Variants in NUMB observed in about 807,000 individuals in gnomAD.
The protein encoded by NUMB is NUMB endocytic adaptor protein.
A neutral mutation model predicts 59.7 loss-of-function variants in NUMB; 29 were observed. That is an observed-to-expected ratio of 0.49 (90% CI 0.36 to 0.66). The LOEUF (loss-of-function observed/expected upper bound fraction) is 0.66. Among genes scored for constraint, NUMB ranks in the 30% least tolerant of loss-of-function variants. The probability of loss-of-function intolerance (pLI) is 0.00; values close to 1 mark genes in which losing one functional copy is unlikely to be tolerated. For synonymous variants in NUMB, 288 were observed against 288.2 expected, an observed-to-expected ratio of 1.00 and a Z score of 0.01; for missense variants, 723 against 822.0, an observed-to-expected ratio of 0.88 and a Z score of 1.47.
intron 11 of NUMB, among the ~76,000 whole-genome samples, chr14:73,281,881 G>A (rs1888656133): frequency 6.6e-6 from 1 of 152,150 alleles, no homozygotes; most frequent in East Asian, 1.9e-4. Context: ...GATGTTTAGT[G>A]GCATTCTTGG....
At chr14:73,443,918 T>A (rs1883273045) in intron 1 of NUMB, among the ~76,000 whole-genome samples, 2 of 148,376 alleles carry the variant, frequency 1.3e-5, no homozygotes, top group Admixed American at 1.3e-4. Context: ...AGTATTTATT[T>A]ATTTTTGAGA....
intron 1 of NUMB, among the ~76,000 whole-genome samples, chr14:73,438,035 C>T (rs894252119): frequency 1.3e-5 from 2 of 152,136 alleles, no homozygotes; most frequent in Non-Finnish European, 2.9e-5. Context: ...AACATGCTGG[C>T]AAAGCTGTAT....
chr14:73,442,955 T>C (rs1401921616), intron 1 of NUMB, among the ~76,000 whole-genome samples: 1 of 152,074 alleles, frequency 6.6e-6, no homozygotes, highest in Non-Finnish European at 1.5e-5. Context: ...CTCTACCTCC[T>C]CGGCTCAAGT....
chr14:73,453,566 T>G (rs1382168149), intron 1 of NUMB, among the ~76,000 whole-genome samples: 1 of 152,168 alleles, frequency 6.6e-6, no homozygotes, highest in African/African-American at 2.4e-5. Flanking sequence ...TTCTACCTCT[T>G]ATAATAAAAT....
intron 8 of NUMB, among the ~76,000 whole-genome samples, chr14:73,289,678 A>T (rs4903105): frequency 0.26 from 39,131 of 152,118 alleles, 5,112 homozygotes; most frequent in Non-Finnish European, 0.28. Flanking sequence ...TAAACTTTTT[A>T]AAAAAACTTT....
At chr14:73,415,604 T>C (rs1021076048) in intron 1 of NUMB, among the ~76,000 whole-genome samples, 5 of 151,686 alleles carry the variant, frequency 3.3e-5, no homozygotes, top group African/African-American at 9.7e-5. Context: ...GCAGCTGGGA[T>C]TACAGGCATG....
At chr14:73,282,200 G>A (rs17182286) in intron 11 of NUMB, 159 bp downstream of exon 11, 248,149 of 603,558 alleles carry the variant, frequency 0.41, 54,236 homozygotes, top group East Asian at 0.72. Context: ...CAAAGACATC[G>A]TCGAATGGAG....
At chr14:73,280,682 T>C (rs1888563716) in intron 11 of NUMB, among the ~76,000 whole-genome samples, 1 of 137,048 alleles carries the variant, frequency 7.3e-6, no homozygotes, top group Non-Finnish European at 1.5e-5. Flanking sequence ...ATGGTGTTGG[T>C]ACTATTTTTT....
intron 8 of NUMB, among the ~76,000 whole-genome samples, chr14:73,290,527 T>C (rs1889320880): frequency 6.6e-6 from 1 of 152,260 alleles, no homozygotes; most frequent in Non-Finnish European, 1.5e-5. Context: ...AGCATTTGTT[T>C]ACACCAATGT....
At chr14:73,318,579 T>TA (rs921092820) in intron 5 of NUMB, among the ~76,000 whole-genome samples, 1 of 152,184 alleles carries the variant, frequency 6.6e-6, no homozygotes, top group Non-Finnish European at 1.5e-5. Flanking sequence ...AAAGGCCTTA[T>TA]ACACTTTTTT....
At chr14:73,401,638 T>C (rs8004184) in intron 2 of NUMB, among the ~76,000 whole-genome samples, 118,104 of 147,752 alleles carry the variant, frequency 0.8, 47,749 homozygotes, top group African/African-American at 0.92. Context: ...GGCATGACCT[T>C]GGCTCACTGC....
chr14:73,351,291 G>A (rs1256461677), intron 4 of NUMB, among the ~76,000 whole-genome samples: 1 of 152,090 alleles, frequency 6.6e-6, no homozygotes, highest in Non-Finnish European at 1.5e-5. Flanking sequence ...GGCCAACATG[G>A]TGAAACCCTG....
rs1438958841 is a variant in NUMB at position 73,276,140 on chromosome 14, C to T, written c.*438G>A. 6.3e-6 allele frequency: 1 copy of T among 159,084 alleles called. No individual in the cohort carries two copies. The highest frequency in any genetic ancestry group is 1.4e-5 in the Non-Finnish European group (1 of 71,712). The allele number at this position is 159,084 out of a possible 1,614,324, so 9.9% of individuals were successfully genotyped here. ...GCCTCTCTGTTCCCCAGCCTGAGCA[C>T]AAACCACTCTTCTTGATCTCTAATA... On this transcript the variant is annotated 3_prime_UTR_variant, in exon 13 of 13. Transcript: ENST00000555238.
At chr14:73,311,555 G>C (rs1489961401) in intron 6 of NUMB, among the ~76,000 whole-genome samples, 1 of 152,146 alleles carries the variant, frequency 6.6e-6, no homozygotes, top group Non-Finnish European at 1.5e-5. Context: ...ATGGTGGTCA[G>C]GTCCAAGAGG....
At chr14:73,409,455 G>C (rs1446236317) in intron 2 of NUMB, 1 of 152,320 alleles carries the variant, frequency 6.6e-6, no homozygotes, top group African/African-American at 2.4e-5. Context: ...CCAGATATGT[G>C]AGTGAGCAAG....
At chr14:73,380,230 G>A (rs888607333) in intron 2 of NUMB, among the ~76,000 whole-genome samples, 6 of 152,144 alleles carry the variant, frequency 3.9e-5, no homozygotes, top group Non-Finnish European at 5.9e-5. Flanking sequence ...GATTCTGGAC[G>A]TTATCTTATG....
intron 4 of NUMB, among the ~76,000 whole-genome samples, chr14:73,330,858 C>T (rs1030693436): frequency 1.3e-5 from 2 of 152,068 alleles, no homozygotes; most frequent in African/African-American, 4.8e-5. Context: ...ATAAGAAGTC[C>T]TATGACAGGC....
intron 8 of NUMB, 41 bp from the exon 9 acceptor site, chr14:73,287,355 C>T: frequency 1.4e-6 from 2 of 1,459,692 alleles, no homozygotes; most frequent in Non-Finnish European, 1.9e-6. Context: ...AATTACACTA[C>T]TAACAATTAC....
At chr14:73,284,910 C>T (rs1888880820) in intron 9 of NUMB, 1 of 152,162 alleles carries the variant, frequency 6.6e-6, no homozygotes, top group Non-Finnish European at 1.5e-5. Flanking sequence ...TGCAATGGCA[C>T]CATCTTGGCT....
Sources: gnomAD v4.1 joint callset for allele counts (sites outside exome capture counted in the v4.1 genomes callset) on GRCh38, gnomAD v4.1.1 for gene constraint, MANE v1.5 for transcripts, NCBI Gene and HGNC (gene_info 2026-07-23, HGNC 2026-07-21) for gene names.